FRMPD3: variants seen among roughly 807,000 people sequenced by gnomAD.
FRMPD3 encodes FERM and PDZ domain-containing protein 3.
A neutral mutation model predicts 97.9 loss-of-function variants in FRMPD3; 42 were observed. The observed-to-expected ratio is 0.43, with a 90% CI of 0.34 to 0.55. The LOEUF is 0.55. Ranked by LOEUF, FRMPD3 falls within the 20% of genes least tolerant of loss-of-function variation. FRMPD3 has a pLI of 0.03. For missense variants in FRMPD3, 1,303 were observed against 1,457.7 expected (o/e 0.89, Z 1.73); for synonymous variants, 577 against 581.1 (o/e 0.99, Z 0.10).
intron 12 of FRMPD3, among the ~76,000 whole-genome samples, chrX:107,570,024 GGAAA>G (rs1436937410): frequency 4.2e-3 from 385 of 91,577 alleles, no homozygotes; most frequent in African/African-American, 0.016. Flanking sequence ...AAAAAAAAAA[GGAAA>G]GAAAGAAAGA....
intron 1 of FRMPD3, among the ~76,000 whole-genome samples, chrX:107,495,912 G>A (rs2147525906): frequency 8.9e-6 from 1 of 112,446 alleles, no homozygotes; most frequent in Non-Finnish European, 1.9e-5. Context: ...AGATGTTTCA[G>A]GATAGCACTT....
Position 107,600,258 on chromosome X carries a change from A to G in FRMPD3, c.2264-45A>G, listed in dbSNP as rs1176277790. 7.0e-6 allele frequency: 8 copies of G among 1,150,369 alleles called. No homozygotes were observed. In the South Asian group the frequency reaches 1.7e-4, roughly 24 times the overall value. 94.8% of individuals were successfully genotyped at this position (1,150,369 alleles called of 1,213,427 possible). ...GACAACCGTGTAGAGCTGGAAAAGA[A>G]CTTGATTTCAGTAAGCATAACAAGC... On this transcript the variant is annotated intron_variant, in intron 14 of 14. Coordinates refer to ENST00000683843, the MANE Select transcript of FRMPD3 (RefSeq NM_001388459.1).
intron 1 of FRMPD3, among the ~76,000 whole-genome samples, chrX:107,482,817 T>C (rs1261210470): frequency 9.1e-6 from 1 of 110,478 alleles, no homozygotes; most frequent in Non-Finnish European, 1.9e-5. Context: ...GCAAGAGAGG[T>C]TGAAGGATGC....
intron 13 of FRMPD3, among the ~76,000 whole-genome samples, chrX:107,593,821 G>C (rs1340096661): frequency 8.9e-6 from 1 of 111,996 alleles, no homozygotes; most frequent in Non-Finnish European, 1.9e-5. Context: ...GATGCCTCCA[G>C]ATTTGTTCTT....
At chrX:107,461,182 G>A (rs1043213821) in intron 1 of FRMPD3, among the ~76,000 whole-genome samples, 6 of 111,852 alleles carry the variant, frequency 5.4e-5, no homozygotes, top group African/African-American at 1.6e-4. Context: ...GCCTTTAACC[G>A]GAGCTCCAGT....
chrX:107,489,646 T>C (rs1418213101), intron 1 of FRMPD3, among the ~76,000 whole-genome samples: 3 of 112,473 alleles, frequency 2.7e-5, no homozygotes, highest in African/African-American at 6.5e-5. Context: ...TTTTGAGAAG[T>C]GTCTGTTCAT....
intron 1 of FRMPD3, among the ~76,000 whole-genome samples, chrX:107,490,862 A>G (rs1382684556): frequency 9.0e-6 from 1 of 111,692 alleles, no homozygotes; most frequent in Non-Finnish European, 1.9e-5. Context: ...TTACTCCTGA[A>G]ACTTTCCTTC....
chrX:107,470,461 T>G (rs1921027265), intron 1 of FRMPD3, among the ~76,000 whole-genome samples: 1 of 112,466 alleles, frequency 8.9e-6, no homozygotes, highest in Admixed American at 9.4e-5. Flanking sequence ...GCCTCTCTAT[T>G]AGGTTGCTCC....
chrX:107,509,282 T>G (rs1922109167), intron 1 of FRMPD3, among the ~76,000 whole-genome samples: 1 of 112,535 alleles, frequency 8.9e-6, no homozygotes, highest in Admixed American at 9.3e-5. Flanking sequence ...CTTTATAGCT[T>G]TGGTCTCTAT....
At chrX:107,598,441 G>A (rs988494456) in intron 14 of FRMPD3, among the ~76,000 whole-genome samples, 1 of 111,964 alleles carries the variant, frequency 8.9e-6, no homozygotes, top group African/African-American at 3.3e-5. Context: ...TAGAGGATCA[G>A]AGAAAAACTG....
chrX:107,594,063 T>C (rs1480260815), intron 13 of FRMPD3, among the ~76,000 whole-genome samples: 1 of 112,140 alleles, frequency 8.9e-6, no homozygotes, highest in Non-Finnish European at 1.9e-5. Context: ...CAGCAGTGTT[T>C]TGTAGTTTTC....
intron 12 of FRMPD3, among the ~76,000 whole-genome samples, chrX:107,568,309 T>C (rs1054473949): frequency 9.4e-6 from 1 of 106,828 alleles, no homozygotes; most frequent in South Asian, 4.4e-4. Flanking sequence ...ATGTGCCATG[T>C]TGGTGTGCTG....
chrX:107,515,340 C>G (rs1922284115), intron 1 of FRMPD3, among the ~76,000 whole-genome samples: 1 of 111,164 alleles, frequency 9.0e-6, no homozygotes, highest in South Asian at 3.8e-4. Context: ...GGAGGTAGTC[C>G]TAGAAGCCAG....
At chrX:107,535,579 AC>A (rs1216690848) in intron 4 of FRMPD3, among the ~76,000 whole-genome samples, 1 of 108,643 alleles carries the variant, frequency 9.2e-6, no homozygotes, top group African/African-American at 3.4e-5. Flanking sequence ...AGGCTAAGGC[AC>A]GAGAATCATT....
intron 7 of FRMPD3, 99 bp downstream of exon 7, chrX:107,553,025 C>G: frequency 3.2e-6 from 3 of 925,935 alleles, no homozygotes; most frequent in Non-Finnish European, 4.4e-6. Flanking sequence ...TATGCTCAGC[C>G]GGTTCCCAGA....
chrX:107,599,905 T>C (rs755039127), intron 14 of FRMPD3, among the ~76,000 whole-genome samples: 10 of 111,121 alleles, frequency 9.0e-5, no homozygotes, highest in African/African-American at 3.3e-4. Flanking sequence ...GCACTTCCTA[T>C]ATAGTCAGCC....
intron 2 of FRMPD3, among the ~76,000 whole-genome samples, chrX:107,529,946 GT>G (rs1475658238): frequency 8.9e-6 from 1 of 111,842 alleles, no homozygotes; most frequent in Non-Finnish European, 1.9e-5. Flanking sequence ...CCTTATCTGA[GT>G]TTGGTACCTT....
intron 1 of FRMPD3, among the ~76,000 whole-genome samples, chrX:107,480,895 GGAAAGAAAGAAA>G (rs59050601): frequency 0.039 from 2,356 of 60,382 alleles, 44 homozygotes; most frequent in African/African-American, 0.061. Flanking sequence ...AAGGAAGGAA[GGAAAGAAAGAAA>G]GAAAGAAAGA....
Position 107,602,427 on chromosome X carries a change from C to G in FRMPD3, c.4388C>G (p.Pro1463Arg). ...YVQVAPETKG[P>R]RQMAVFSLPE... is the part of the protein sequence containing the mutation. ...CAGGTTGCCCCAGAGACCAAAGGCC[C>G]CAGACAGATGGCCGTGTTCTCACTG... The change falls in exon 15 of 15, where the codon CCC (proline) becomes CGC (arginine). Residue 1463 changes from proline to arginine, a missense_variant. Pro to Arg is a moderately radical substitution (Grantham distance 103). This residue lies in a region of FRMPD3 where 764 missense variants were observed against 820.2 expected (regional missense o/e 0.93). Coordinates refer to ENST00000683843, the MANE Select transcript of FRMPD3 (RefSeq NM_001388459.1). 8.3e-7 allele frequency: 1 copy of G among 1,210,452 alleles called. No individual in the cohort carries two copies. Among genetic ancestry groups the G allele is most frequent in the Non-Finnish European group, 1.1e-6 (1 of 894,903 alleles).
Sources: allele counts gnomAD v4.1 joint callset (sites outside exome capture counted in the v4.1 genomes callset), GRCh38; gene constraint gnomAD v4.1.1; regional missense constraint gnomAD v4.1.1; transcripts MANE v1.5; gene names NCBI Gene and HGNC (gene_info 2026-07-23, HGNC 2026-07-21).